MAP3K3: variants seen among roughly 807,000 people sequenced by gnomAD.
The protein encoded by MAP3K3 is MAP/ERK kinase kinase 3.
Under a neutral mutation model 80.9 loss-of-function variants are expected in MAP3K3, and 12 were observed. The ratio of observed to expected loss-of-function variants is 0.15; its 90% CI spans 0.10 to 0.24. The LOEUF is 0.24. MAP3K3 is among the 10% of genes least tolerant of loss of function. The pLI, the probability that MAP3K3 is intolerant of heterozygous loss-of-function variation, is 1.00. For synonymous variants in MAP3K3, 272 were observed against 307.1 expected, an observed-to-expected ratio of 0.89 and a Z score of 1.19; for missense variants, 596 against 834.7, an observed-to-expected ratio of 0.71 and a Z score of 3.52.
chr17:63,645,173 G>A lies in MAP3K3; in HGVS notation c.127-861G>A, dbSNP rs574525455. Among the ~76,000 whole-genome samples the A allele has an allele frequency of 5.3e-5, 8 of 152,288 alleles. No individual in the cohort carries two copies. The East Asian group carries it at 1.4e-3, about 26-fold the overall frequency. ...GCCATTTCCTTTGCCTGGCACTGGGGATATAGAAACATGATAGACCTCGGG... is the reference window on the plus strand; with the variant it reads ...GCCATTTCCTTTGCCTGGCACTGGGAATATAGAAACATGATAGACCTCGGG... On this transcript the variant is annotated intron_variant, in intron 2 of 15. Transcript: ENST00000361733.
At position 63,688,946 on chromosome 17, in the gene MAP3K3, G is replaced by C. The variant is rs1488227881; in HGVS notation, c.871+65G>C. ...GAAAGGACAAGTTGCCATGGGGAGGGTGGGTTCGTCCATGCAGTGCCTGTA... is the reference window on the plus strand; with the variant it reads ...GAAAGGACAAGTTGCCATGGGGAGGCTGGGTTCGTCCATGCAGTGCCTGTA... On this transcript the variant is annotated intron_variant, in intron 10 of 15. Transcript: ENST00000361733. 3 of 1,260,580 alleles carry C rather than the reference G, an allele frequency of 2.4e-6. No homozygotes were observed. The East Asian group carries it at 6.9e-5, about 29-fold the overall frequency. The allele number at this position is 1,260,580 out of a possible 1,614,324, so 78.1% of individuals were successfully genotyped here.
chr17:63,668,208 C>T (rs1162420660), intron 6 of MAP3K3: 2 of 152,222 alleles, frequency 1.3e-5, no homozygotes, highest in Non-Finnish European at 2.9e-5. Flanking sequence ...GAGATCTAAG[C>T]ACTGATCCTG....
chr17:63,628,475 C>T (rs1406868816), intron 1 of MAP3K3, among the ~76,000 whole-genome samples: 1 of 151,866 alleles, frequency 6.6e-6, no homozygotes, highest in Non-Finnish European at 1.5e-5. Context: ...GTTCTCCTGC[C>T]TCAGCCTCCC....
intron 1 of MAP3K3, among the ~76,000 whole-genome samples, chr17:63,629,194 C>T (rs566872675): frequency 6.6e-6 from 1 of 152,096 alleles, no homozygotes; most frequent in Non-Finnish European, 1.5e-5. Context: ...GCTATCTCAG[C>T]TCACACCAAC....
In MAP3K3 at chr17:63,693,430, G is replaced by C. The variant is rs528283853; in HGVS notation, c.1653-119G>C. On this transcript the variant is annotated intron_variant, in intron 15 of 15. Transcript: ENST00000361733. This position sits in a 1 kb window ranked among gnomAD's most constrained non-coding sequence, Gnocchi z 4.2. ...GACATCCAAGCTGAGGTATCCCTCA[G>C]CTTGGCCTGTCCTGCACCTCAGCTT... The C allele has an allele frequency of 1.2e-6, 1 of 800,850 alleles. No individual in the cohort carries two copies. The highest frequency in any genetic ancestry group is 2.8e-5 in the East Asian group (1 of 36,208). The allele number at this position is 800,850 out of a possible 1,614,324, so 49.6% of individuals were successfully genotyped here.
chr17:63,692,090 C>A lies in MAP3K3; in HGVS notation c.1475-152C>A. 1.1e-6 allele frequency: 1 copy of A among 941,332 alleles called. No individual in the cohort carries two copies. Among genetic ancestry groups the A allele is most frequent in the Non-Finnish European group, 1.6e-6 (1 of 625,658 alleles). 58.3% of individuals were successfully genotyped at this position (941,332 alleles called of 1,614,324 possible). The stretch of plus-strand genomic sequence containing the variant: ...CATTTTGTGCGGTAGATCTGAGACT[C>A]CCCTTTGCTAAATCCTTTGCCCTTT... On this transcript the variant is annotated intron_variant, in intron 14 of 15. Transcript: ENST00000361733. This position sits in a 1 kb window ranked among gnomAD's most constrained non-coding sequence, Gnocchi z 4.5.
intron 1 of MAP3K3, among the ~76,000 whole-genome samples, chr17:63,626,069 C>G (rs1278247095): frequency 6.6e-6 from 1 of 152,148 alleles, no homozygotes; most frequent in Non-Finnish European, 1.5e-5. Context: ...GTGAGAGACC[C>G]TGTCTCTAAA....
chr17:63,689,877 A>C lies in MAP3K3; in HGVS notation c.1063+142A>C. On this transcript the variant is annotated intron_variant, in intron 11 of 15. Transcript: ENST00000361733. This position sits in a 1 kb window ranked among gnomAD's most constrained non-coding sequence, Gnocchi z 4.3. ...ATGCACCACATGGGATAAGCCTTGG[A>C]GTGTCTGAAGCCTGGCTCCACTATT... 2.7e-6 allele frequency: 2 copies of C among 731,240 alleles called. No individual in the cohort carries two copies. The highest frequency in any genetic ancestry group is 4.4e-6 in the Non-Finnish European group (2 of 454,320). The allele number at this position is 731,240 out of a possible 1,614,324, so 45.3% of individuals were successfully genotyped here. A position where few individuals can be genotyped will look rare whatever the true frequency, so the allele number is the denominator to read the frequency against.
At chr17:63,633,535 T>A (rs1456988469) in intron 2 of MAP3K3, among the ~76,000 whole-genome samples, 1 of 152,246 alleles carries the variant, frequency 6.6e-6, no homozygotes, top group Admixed American at 6.5e-5. Context: ...TAATGAGTGA[T>A]TTTGTTATTA....
intron 2 of MAP3K3, among the ~76,000 whole-genome samples, 174 bp from the exon 3 acceptor site, chr17:63,645,860 G>T (rs1219891868): frequency 6.6e-6 from 1 of 152,222 alleles, no homozygotes; most frequent in Non-Finnish European, 1.5e-5. Flanking sequence ...AGAACTGGAA[G>T]TTTTAACTCA....
At chr17:63,675,104 G>C (rs1271220930) in intron 6 of MAP3K3, among the ~76,000 whole-genome samples, 1 of 152,076 alleles carries the variant, frequency 6.6e-6, no homozygotes, top group African/African-American at 2.4e-5. Context: ...CAGAAACTTT[G>C]ATGGTGGTAG....
At chr17:63,653,928 G>A (rs995358283) in intron 4 of MAP3K3, among the ~76,000 whole-genome samples, 1 of 152,080 alleles carries the variant, frequency 6.6e-6, no homozygotes, top group Admixed American at 6.5e-5. Flanking sequence ...GTGCAGTGGT[G>A]CAAACACGGC....
intron 4 of MAP3K3, among the ~76,000 whole-genome samples, chr17:63,655,864 C>A (rs2034755993): frequency 1.3e-5 from 2 of 152,168 alleles, no homozygotes; most frequent in Admixed American, 6.5e-5. Context: ...GGAAGAAATT[C>A]TTTTGCAATA....
chr17:63,690,623 G>T, intron 12 of MAP3K3: 1 of 562,106 alleles, frequency 1.8e-6, no homozygotes, highest in Non-Finnish European at 3.1e-6. Context: ...TGGGTGTAAG[G>T]AACTAAGCTG....
chr17:63,692,209 C>T lies in MAP3K3; in HGVS notation c.1475-33C>T. The T allele has an allele frequency of 6.2e-7, 1 of 1,612,118 alleles. No individual in the cohort carries two copies. Among genetic ancestry groups the T allele is most frequent in the Non-Finnish European group, 8.5e-7 (1 of 1,179,260 alleles). On this transcript the variant is annotated intron_variant, in intron 14 of 15. Transcript: ENST00000361733. This position sits in a 1 kb window ranked among gnomAD's most constrained non-coding sequence, Gnocchi z 4.5. The stretch of plus-strand genomic sequence containing the variant: ...GGATGGGAGAAAATGCAAGAGGGTC[C>T]AGGGTTGCAGCCTCTGCCCTTTCAT...
intron 6 of MAP3K3, among the ~76,000 whole-genome samples, chr17:63,672,283 CAAAAA>C (rs150268322): frequency 2.1e-5 from 1 of 46,574 alleles, no homozygotes. Context: ...AACTCCATCT[CAAAAA>C]AAAAAAAAAA....
At chr17:63,662,529 G>A (rs2034914916) in intron 5 of MAP3K3, among the ~76,000 whole-genome samples, 1 of 152,078 alleles carries the variant, frequency 6.6e-6, no homozygotes. Context: ...GTCTACATCT[G>A]GGGAAACTGA....
intron 6 of MAP3K3, among the ~76,000 whole-genome samples, chr17:63,673,120 C>T (rs1183778997): frequency 2.0e-5 from 3 of 152,154 alleles, no homozygotes; most frequent in East Asian, 1.9e-4. Context: ...GATGGGGAAG[C>T]GCAGGGTAGC....
chr17:63,644,907 T>C (rs1025761027), intron 2 of MAP3K3, among the ~76,000 whole-genome samples: 2 of 152,228 alleles, frequency 1.3e-5, no homozygotes, highest in African/African-American at 4.8e-5. Context: ...TATTTGCTGG[T>C]TTCCTGCCCA....
Sources: gnomAD v4.1 joint callset for allele counts (sites outside exome capture counted in the v4.1 genomes callset) on GRCh38, gnomAD v4.1.1 for gene constraint, Gnocchi (gnomAD v3.1) non-coding constraint, MANE v1.5 for transcripts, NCBI Gene and HGNC (gene_info 2026-07-23, HGNC 2026-07-21) for gene names.